Variants in DNAH11 observed in about 807,000 individuals in gnomAD.
DNAH11 encodes dynein axonemal heavy chain 11, also known as axonemal beta dynein heavy chain 11.
In DNAH11, 442 loss-of-function variants were observed where a neutral mutation model predicts 526.0. The ratio of observed to expected loss-of-function variants is 0.84; its 90% CI spans 0.78 to 0.91. The LOEUF is 0.91. Ranked by LOEUF, DNAH11 falls within the 40% of genes least tolerant of loss-of-function variation. The probability of loss-of-function intolerance (pLI) is 0.00; values close to 1 mark genes in which losing one functional copy is unlikely to be tolerated. For missense variants in DNAH11, 6,989 were observed against 5,448.7 expected (o/e 1.28, Z -8.90); for synonymous variants, 2,461 against 1,935.9 (o/e 1.27, Z -7.12).
chr7:21,711,924 A>G, intron 42 of DNAH11, 64 bp downstream of exon 42: 1 of 1,540,136 alleles, frequency 6.5e-7, no homozygotes, highest in African/African-American at 1.4e-5. Context: ...CCATTTTCAT[A>G]ATTTTTGCTT....
At chr7:21,856,510 T>C (rs1782854551) in intron 68 of DNAH11, among the ~76,000 whole-genome samples, 1 of 152,148 alleles carries the variant, frequency 6.6e-6, no homozygotes, top group Admixed American at 6.5e-5. Context: ...ATTCCAAAAC[T>C]ACACTAAGGC....
intron 2 of DNAH11, among the ~76,000 whole-genome samples, chr7:21,552,026 A>G (rs1263277332): frequency 6.6e-6 from 1 of 152,160 alleles, no homozygotes; most frequent in Non-Finnish European, 1.5e-5. Flanking sequence ...GGGCTGTGGC[A>G]GCACTGCTTG....
chr7:21,610,004 C>T (rs950248603), intron 20 of DNAH11, among the ~76,000 whole-genome samples: 3 of 152,148 alleles, frequency 2.0e-5, no homozygotes, highest in Admixed American at 2.0e-4. Context: ...CCTGTAATCC[C>T]AGCACTTTGG....
At chr7:21,828,136 A>T (rs537841329) in intron 65 of DNAH11, among the ~76,000 whole-genome samples, 8 of 152,172 alleles carry the variant, frequency 5.3e-5, no homozygotes, top group Non-Finnish European at 1.0e-4. Flanking sequence ...TTTAGTAGAG[A>T]TGGGGTTTCA....
chr7:21,738,600 G>C, intron 46 of DNAH11, 101 bp from the exon 47 acceptor site: 1 of 1,240,224 alleles, frequency 8.1e-7, no homozygotes, highest in Non-Finnish European at 1.1e-6. Flanking sequence ...GAAACCACAG[G>C]GTGGATGAAA....
chr7:21,874,754 A>G (rs183784674), intron 74 of DNAH11, among the ~76,000 whole-genome samples: 1 of 152,068 alleles, frequency 6.6e-6, no homozygotes, highest in East Asian at 1.9e-4. Flanking sequence ...TACCCAAACT[A>G]TCCTATCTAT....
At chr7:21,701,490 C>T (rs1013957828) in intron 36 of DNAH11, among the ~76,000 whole-genome samples, 5 of 151,986 alleles carry the variant, frequency 3.3e-5, no homozygotes, top group African/African-American at 1.2e-4. Flanking sequence ...GGGTTTCCCC[C>T]TGTTGCCCAG....
At chr7:21,700,004 G>A (rs1332560599) in intron 36 of DNAH11, among the ~76,000 whole-genome samples, 1 of 152,124 alleles carries the variant, frequency 6.6e-6, no homozygotes, top group Admixed American at 6.5e-5. Flanking sequence ...AGGAAGAAAG[G>A]AACCAATATT....
At chr7:21,830,995 A>G (rs725809) in intron 65 of DNAH11, among the ~76,000 whole-genome samples, 10,848 of 152,276 alleles carry the variant, frequency 0.071, 659 homozygotes, top group East Asian at 0.2. Context: ...AGGGATGTAT[A>G]AAAATCCTAT....
chr7:21,652,858 GT>G (rs75666149), intron 28 of DNAH11, among the ~76,000 whole-genome samples: 6 of 151,752 alleles, frequency 4.0e-5, no homozygotes, highest in Non-Finnish European at 5.9e-5. Flanking sequence ...CGAAGTATTA[GT>G]TTTTTTTAAT....
intron 25 of DNAH11, among the ~76,000 whole-genome samples, chr7:21,620,856 T>C (rs1289551284): frequency 6.6e-6 from 1 of 151,538 alleles, no homozygotes; most frequent in African/African-American, 2.4e-5. Flanking sequence ...AGAATGATGA[T>C]TTCCAATTTC....
chr7:21,719,525 A>C (rs1252915475), intron 43 of DNAH11, among the ~76,000 whole-genome samples: 1 of 152,224 alleles, frequency 6.6e-6, no homozygotes, highest in East Asian at 1.9e-4. Context: ...TGATTTCAAC[A>C]GTGCCTTAGA....
chr7:21,778,919 A>C (rs1182694654), intron 56 of DNAH11, 39 bp from the exon 57 acceptor site: 1 of 1,601,138 alleles, frequency 6.2e-7, no homozygotes, highest in South Asian at 1.1e-5. Context: ...TTTGTTGTGA[A>C]CAAGGCCAGT....
intron 61 of DNAH11, among the ~76,000 whole-genome samples, chr7:21,792,099 T>C (rs1447275861): frequency 6.6e-6 from 1 of 152,202 alleles, no homozygotes; most frequent in Admixed American, 6.5e-5. Flanking sequence ...CTTCCATACC[T>C]AGTTTGCTGA....
At chr7:21,604,773 G>C (rs1368750303) in intron 18 of DNAH11, among the ~76,000 whole-genome samples, 1 of 152,190 alleles carries the variant, frequency 6.6e-6, no homozygotes, top group East Asian at 1.9e-4. Flanking sequence ...TGAGCTCATG[G>C]ATGTAACTTC....
chr7:21,636,127 G>C (rs759285265), intron 26 of DNAH11, 32 bp downstream of exon 26: 14 of 1,530,952 alleles, frequency 9.1e-6, no homozygotes, highest in Non-Finnish European at 9.7e-6. Flanking sequence ...TGCTATTCTA[G>C]CAAAGTTTTG....
chr7:21,626,091 A>G (rs1370023498), intron 25 of DNAH11, among the ~76,000 whole-genome samples: 1 of 152,094 alleles, frequency 6.6e-6, no homozygotes, highest in Non-Finnish European at 1.5e-5. Context: ...TCTCTTCTAG[A>G]TCTTTTGAAA....
intron 28 of DNAH11, among the ~76,000 whole-genome samples, chr7:21,654,260 C>T (rs987753738): frequency 6.6e-6 from 1 of 152,200 alleles, no homozygotes; most frequent in Admixed American, 6.5e-5. Context: ...CAGCCCCTAG[C>T]AGCCGCCAAT....
In DNAH11 at chr7:21,687,194, T is replaced by C. The variant is rs755057030; in HGVS notation, c.5717T>C (p.Leu1906Pro). 1.9e-6 allele frequency: 3 copies of C among 1,611,178 alleles called. No homozygotes were observed. The change falls in exon 33 of 82, where the codon CTA (leucine) becomes CCA (proline). Residue 1906 changes from leucine to proline, a missense_variant. Transcript: ENST00000409508. ...GGGAAAACAGAGACCACCAAAGACC[T>C]AGGACGTGCCCTTGGCATGATGGTC... ...GTGKTETTKD[L>P]GRALGMMVYV... is the part of the protein sequence containing the mutation.
Sources: gnomAD v4.1 joint callset for allele counts (sites outside exome capture counted in the v4.1 genomes callset) on GRCh38, gnomAD v4.1.1 for gene constraint, MANE v1.5 for transcripts, NCBI Gene and HGNC (gene_info 2026-07-23, HGNC 2026-07-21) for gene names.